EFNA5: variants seen among roughly 807,000 people sequenced by gnomAD.
EFNA5 encodes ephrin A5.
In EFNA5, 5 loss-of-function variants were observed where a neutral mutation model predicts 22.9. That is an observed-to-expected ratio of 0.22 (90% CI 0.11 to 0.46). The LOEUF (loss-of-function observed/expected upper bound fraction) is 0.46, where lower values mean the gene tolerates loss of function less well. Ranked by LOEUF, EFNA5 falls within the 20% of genes least tolerant of loss-of-function variation. The pLI is 0.99. For missense variants in EFNA5, 237 were observed against 293.3 expected, an observed-to-expected ratio of 0.81 and a Z score of 1.40; for synonymous variants, 113 against 112.2, an observed-to-expected ratio of 1.01 and a Z score of -0.04.
intron 1 of EFNA5, among the ~76,000 whole-genome samples, chr5:107,661,511 C>G (rs1039240251): frequency 3.3e-5 from 5 of 152,198 alleles, no homozygotes; most frequent in African/African-American, 1.2e-4. Flanking sequence ...GGGCAGTGGC[C>G]ATGCTGTGCA....
intron 1 of EFNA5, among the ~76,000 whole-genome samples, chr5:107,487,598 T>C (rs985978823): frequency 6.6e-6 from 1 of 152,190 alleles, no homozygotes; most frequent in African/African-American, 2.4e-5. Flanking sequence ...AGCCAGCAGG[T>C]GTCAAATTAC....
intron 4 of EFNA5, 111 bp downstream of exon 4, chr5:107,387,124 C>T (rs1183569635): frequency 1.5e-6 from 1 of 682,132 alleles, no homozygotes; most frequent in African/African-American, 1.8e-5. Context: ...TGAGCAAAAG[C>T]AGAACAACAA....
At chr5:107,585,717 CAATCCCCAAAT>C (rs879837527) in intron 1 of EFNA5, among the ~76,000 whole-genome samples, 3,788 of 152,242 alleles carry the variant, frequency 0.025, 148 homozygotes, top group African/African-American at 0.078. Context: ...AAAATCAAGT[CAATCCCCAAAT>C]ATGGAAAAGA....
At chr5:107,515,535 C>T (rs1747458347) in intron 1 of EFNA5, among the ~76,000 whole-genome samples, 1 of 151,876 alleles carries the variant, frequency 6.6e-6, no homozygotes, top group Admixed American at 6.6e-5. Context: ...TGCGCCACCA[C>T]ACCAGGCTAA....
chr5:107,437,189 A>G (rs566171811), intron 1 of EFNA5, among the ~76,000 whole-genome samples: 2 of 152,330 alleles, frequency 1.3e-5, no homozygotes, highest in Admixed American at 1.3e-4. Flanking sequence ...AAGAAAATAC[A>G]TGGGTTTTAT....
intron 1 of EFNA5, among the ~76,000 whole-genome samples, chr5:107,658,544 A>G (rs1352241953): frequency 6.6e-6 from 1 of 152,196 alleles, no homozygotes; most frequent in Non-Finnish European, 1.5e-5. Context: ...TGGGCTTCTT[A>G]AATGGCAAAT....
At chr5:107,534,177 G>T (rs1747880547) in intron 1 of EFNA5, among the ~76,000 whole-genome samples, 1 of 152,208 alleles carries the variant, frequency 6.6e-6, no homozygotes, top group African/African-American at 2.4e-5. Context: ...GATAACAGCA[G>T]ATAAAACCAA....
At chr5:107,564,631 G>GT (rs34585445) in intron 1 of EFNA5, among the ~76,000 whole-genome samples, 4,394 of 115,002 alleles carry the variant, frequency 0.038, 252 homozygotes, top group African/African-American at 0.12. Flanking sequence ...TTGGGTTTTT[G>GT]TTTTTTTTTT....
At position 107,546,651 on chromosome 5, in the gene EFNA5, A is replaced by AACAT. The variant is rs1554065956; in HGVS notation, c.126-119143_126-119142insATGT. 7.2e-3 allele frequency among the ~76,000 whole-genome samples: 872 copies of AACAT among 121,328 alleles called. 7 individuals carry two copies. The highest frequency in any genetic ancestry group is 0.016 in the Middle Eastern group (4 of 246). 79.6% of individuals were successfully genotyped at this position (121,328 alleles called of 152,430 possible). A position where few individuals can be genotyped will look rare whatever the true frequency, so the allele number is the denominator to read the frequency against. Reference sequence around the variant, plus strand: ...AGTTGAAGGTTTTTCTGGTGCGTAAAACACACACACACACACACACACACA... The same window carrying AACAT: ...AGTTGAAGGTTTTTCTGGTGCGTAAAACATACACACACACACACACACACACACA... On this transcript the variant is annotated intron_variant, in intron 1 of 4. Coordinates refer to ENST00000333274, the MANE Select transcript of EFNA5 (RefSeq NM_001962.3).
intron 1 of EFNA5, among the ~76,000 whole-genome samples, chr5:107,600,134 G>A (rs1299075044): frequency 1.3e-5 from 2 of 152,174 alleles, no homozygotes; most frequent in Admixed American, 6.5e-5. Context: ...TTAATCACAG[G>A]CTACTTCCCA....
chr5:107,550,332 A>G (rs1248730651), intron 1 of EFNA5, among the ~76,000 whole-genome samples: 2 of 152,208 alleles, frequency 1.3e-5, no homozygotes, highest in Admixed American at 6.5e-5. Context: ...CTAATAGTAA[A>G]TTGTCATTGA....
Position 107,387,253 on chromosome 5 carries a change from T to C in EFNA5, c.547A>G (p.Asn183Asp). 6.2e-7 allele frequency: 1 copy of C among 1,605,304 alleles called. No individual in the cohort carries two copies. The highest frequency in any genetic ancestry group is 8.5e-7 in the Non-Finnish European group (1 of 1,174,224). Residue 183 changes from asparagine to aspartate, a missense_variant, in exon 4 of 5, where the codon AAT becomes GAT. This residue lies in a region of EFNA5 where 104 missense variants were observed against 114.5 expected (regional missense o/e 0.91). Coordinates refer to ENST00000333274, the MANE Select transcript of EFNA5 (RefSeq NM_001962.3). Reference protein sequence around the residue: ...RVFDVNDKVENSLEPADDTVH... With the variant: ...RVFDVNDKVEDSLEPADDTVH... ...TACTAACCTGCTGGTTCTAATGAAT[T>C]TTCTACTTTGTCGTTAACATCGAAA...
intron 1 of EFNA5, among the ~76,000 whole-genome samples, chr5:107,469,056 AT>A (rs1750067357): frequency 6.6e-6 from 1 of 152,210 alleles, no homozygotes; most frequent in South Asian, 2.1e-4. Flanking sequence ...AGTGCTTAGC[AT>A]TTTGAATTTG....
intron 1 of EFNA5, among the ~76,000 whole-genome samples, chr5:107,658,704 C>T (rs759600599): frequency 3.3e-5 from 5 of 152,110 alleles, no homozygotes; most frequent in Non-Finnish European, 2.9e-5. Context: ...GTGCAAACCA[C>T]GGTTCATGGG....
At chr5:107,636,786 A>C (rs1020274183) in intron 1 of EFNA5, among the ~76,000 whole-genome samples, 5 of 152,030 alleles carry the variant, frequency 3.3e-5, no homozygotes, top group African/African-American at 1.2e-4. Flanking sequence ...AACATGGGCA[A>C]ACATGGTCCC....
chr5:107,445,150 G>C lies in EFNA5; in HGVS notation c.126-17641C>G, dbSNP rs530221097. The stretch of plus-strand genomic sequence containing the variant: ...TGATTTTTGTGCCTCAGCCTCCCGA[G>C]TAGCTTGGATTACAGGCATCCACCG... On this transcript the variant is annotated intron_variant, in intron 1 of 4. Coordinates refer to ENST00000333274, the MANE Select transcript of EFNA5 (RefSeq NM_001962.3). 3.9e-5 allele frequency among the ~76,000 whole-genome samples: 6 copies of C among 152,162 alleles called. No homozygotes were observed. In the South Asian group the frequency reaches 1.0e-3, roughly 26 times the overall value.
At chr5:107,669,813 T>C (rs1379030073) in intron 1 of EFNA5, among the ~76,000 whole-genome samples, 1 of 151,944 alleles carries the variant, frequency 6.6e-6, no homozygotes, top group South Asian at 2.1e-4. Context: ...TTCTGGCACC[T>C]TGAACCCACT....
intron 1 of EFNA5, among the ~76,000 whole-genome samples, chr5:107,645,133 T>G (rs1167088076): frequency 6.6e-6 from 1 of 152,204 alleles, no homozygotes; most frequent in African/African-American, 2.4e-5. Flanking sequence ...CATGCATTAG[T>G]TATTTAGAGT....
chr5:107,491,287 G>A (rs1746799139), intron 1 of EFNA5, among the ~76,000 whole-genome samples: 2 of 152,144 alleles, frequency 1.3e-5, no homozygotes, highest in South Asian at 2.1e-4. Context: ...ATTTTCTCAA[G>A]GCAATACAGA....
Sources: allele counts gnomAD v4.1 joint callset (sites outside exome capture counted in the v4.1 genomes callset), GRCh38; gene constraint gnomAD v4.1.1; regional missense constraint gnomAD v4.1.1; transcripts MANE v1.5; gene names NCBI Gene and HGNC (gene_info 2026-07-23, HGNC 2026-07-21).